PIKFYVE: variants seen among roughly 807,000 people sequenced by gnomAD.
PIKFYVE encodes the protein phosphoinositide kinase, FYVE-type zinc finger containing.
A neutral mutation model predicts 257.9 loss-of-function variants in PIKFYVE; 122 were observed. The observed-to-expected ratio is 0.47, with a 90% CI of 0.41 to 0.55. PIKFYVE has a LOEUF of 0.55. Ranked by LOEUF, PIKFYVE falls within the 20% of genes least tolerant of loss-of-function variation. The pLI, the probability that PIKFYVE is intolerant of heterozygous loss-of-function variation, is 0.00. For synonymous variants in PIKFYVE, 892 were observed against 868.9 expected (o/e 1.03, Z -0.47); for missense variants, 2,160 against 2,536.6 (o/e 0.85, Z 3.19).
intron 24 of PIKFYVE, 25 bp downstream of exon 24, chr2:208,333,518 CATG>C: frequency 6.2e-7 from 1 of 1,603,212 alleles, no homozygotes; most frequent in Non-Finnish European, 8.5e-7. Flanking sequence ...GAATCTTGTG[CATG>C]ATCTCAGATC....
chr2:208,331,862 C>T lies in PIKFYVE; in HGVS notation c.3963+1168C>T, dbSNP rs551261853. 4.6e-5 allele frequency among the ~76,000 whole-genome samples: 7 copies of T among 152,236 alleles called. No individual in the cohort carries two copies. The South Asian group carries it at 6.2e-4, about 14-fold the overall frequency. On this transcript the variant is annotated intron_variant, in intron 23 of 41. Coordinates refer to ENST00000264380, the MANE Select transcript of PIKFYVE (RefSeq NM_015040.4). ...GTCTTAGTTTCATAATTGTTCTTAC[C>T]GACTTTAGTTCCTATTAGTTAGCTG...
At position 208,342,659 on chromosome 2, in the gene PIKFYVE, A is replaced by T. The variant is rs1478516330; in HGVS notation, c.5027+10A>T. On this transcript the variant is annotated intron_variant, in intron 32 of 41. Coordinates refer to ENST00000264380, the MANE Select transcript of PIKFYVE (RefSeq NM_015040.4). ...TTGCTTTTGCTCTCAGGTATTATTC[A>T]TGGGACTTTGACTTATGATGATATC... 1.9e-6 allele frequency: 3 copies of T among 1,588,600 alleles called. No homozygotes were observed. The highest frequency in any genetic ancestry group is 1.1e-5 in the South Asian group (1 of 90,558).
intron 31 of PIKFYVE, among the ~76,000 whole-genome samples, chr2:208,341,965 G>A (rs868503384): frequency 7.4e-6 from 1 of 135,630 alleles, no homozygotes; most frequent in South Asian, 2.4e-4. Flanking sequence ...TTTTTTTTTC[G>A]CCATTGTATT....
At chr2:208,270,332 G>A (rs1205677836) in intron 1 of PIKFYVE, among the ~76,000 whole-genome samples, 2 of 151,916 alleles carry the variant, frequency 1.3e-5, no homozygotes, top group African/African-American at 2.4e-5. Flanking sequence ...GTGAGCCACC[G>A]TGCCTGGACC....
In PIKFYVE at chr2:208,336,100, T is replaced by G; in HGVS notation, c.4420T>G (p.Ser1474Ala). ...WIEKMQARLM[S>A]SSVDTPQQLQ... The stretch of plus-strand genomic sequence containing the variant: ...TGAGAAGATGCAAGCAAGGCTCATG[T>G]CTTCCTCTGTAGATACCCCTCAGCA... The change falls in exon 27 of 42, where the codon TCT becomes GCT. Residue 1474 changes from serine (S) to alanine (A), a missense_variant. Around this residue, in one of 12 missense-constraint regions of PIKFYVE, gnomAD observed 699 missense variants for 855.8 expected, o/e 0.82. Transcript: ENST00000264380. The G allele has an allele frequency of 6.2e-7, 1 of 1,614,096 alleles. No homozygotes were observed. The highest frequency in any genetic ancestry group is 8.5e-7 in the Non-Finnish European group (1 of 1,179,980).
chr2:208,336,774 T>C (rs1698180079), intron 27 of PIKFYVE, 64 bp from the exon 28 acceptor site: 1 of 1,064,600 alleles, frequency 9.4e-7, no homozygotes, highest in African/African-American at 1.6e-5. Context: ...AGAAAATTTA[T>C]AAACAGCACT....
chr2:208,304,726 AT>A (rs1694109513), intron 11 of PIKFYVE, 119 bp from the exon 12 acceptor site: 1 of 889,444 alleles, frequency 1.1e-6, no homozygotes. Flanking sequence ...CCATTTTGGT[AT>A]TGCACATTGG....
intron 13 of PIKFYVE, among the ~76,000 whole-genome samples, chr2:208,312,814 G>T (rs944953311): frequency 6.6e-6 from 1 of 152,116 alleles, no homozygotes; most frequent in African/African-American, 2.4e-5. Context: ...GCTTAGCTTA[G>T]CTTCCTAGAG....
chr2:208,353,832 T>A (rs1319366748), intron 39 of PIKFYVE, 66 bp from the exon 40 acceptor site: 40 of 1,577,148 alleles, frequency 2.5e-5, no homozygotes, highest in Non-Finnish European at 2.9e-5. Context: ...CTTTTTTATT[T>A]ACTTACATTA....
intron 6 of PIKFYVE, among the ~76,000 whole-genome samples, chr2:208,288,010 G>A (rs1691810935): frequency 6.6e-6 from 1 of 152,174 alleles, no homozygotes; most frequent in African/African-American, 2.4e-5. Context: ...ACAATATGAA[G>A]TATAGAGTTT....
chr2:208,341,102 G>T (rs1402603681), intron 31 of PIKFYVE, among the ~76,000 whole-genome samples: 1 of 151,926 alleles, frequency 6.6e-6, no homozygotes, highest in Non-Finnish European at 1.5e-5. Context: ...CTGCCTCCTA[G>T]ATTCAAGTGA....
At chr2:208,290,841 C>CTT (rs1374488200) in intron 7 of PIKFYVE, among the ~76,000 whole-genome samples, 2 of 152,130 alleles carry the variant, frequency 1.3e-5, no homozygotes, top group Non-Finnish European at 2.9e-5. Flanking sequence ...ATGTGATTGA[C>CTT]TTTTGTATAT....
chr2:208,292,973 C>T (rs545968894), intron 7 of PIKFYVE, among the ~76,000 whole-genome samples: 83 of 151,828 alleles, frequency 5.5e-4, no homozygotes, highest in Non-Finnish European at 9.0e-4. Context: ...TACTTGTTGC[C>T]CTTGTTCTTC....
intron 6 of PIKFYVE, 29 bp from the exon 7 acceptor site, chr2:208,288,700 A>G (rs1192773185): frequency 2.0e-5 from 33 of 1,613,034 alleles, no homozygotes; most frequent in Non-Finnish European, 2.8e-5. Flanking sequence ...GTCCTGAATT[A>G]TTTCAGTATT....
chr2:208,324,165 T>C lies in PIKFYVE; in HGVS notation c.2214T>C (p.Tyr738=), dbSNP rs747300817. 2.5e-6 allele frequency: 4 copies of C among 1,613,864 alleles called. No homozygotes were observed. Among genetic ancestry groups the C allele is most frequent in the South Asian group, 1.1e-5 (1 of 91,072 alleles). ...VLQEREFLKN[Y]VQRIVDVRPT... The stretch of plus-strand genomic sequence containing the variant: ...AGGAAAGGGAATTCTTGAAGAATTA[T>C]GTCCAGCGAATAGTTGATGTTCGAC... The change falls in exon 18 of 42, where the codon TAT becomes TAC. Residue 738 remains tyrosine, a synonymous_variant. Coordinates refer to ENST00000264380, the MANE Select transcript of PIKFYVE (RefSeq NM_015040.4).
chr2:208,352,650 T>C lies in PIKFYVE; in HGVS notation c.5716-4T>C, dbSNP rs1214631493. 14 of 1,613,140 alleles carry C rather than the reference T, an allele frequency of 8.7e-6. No individual in the cohort carries two copies. Among genetic ancestry groups the C allele is most frequent in the Non-Finnish European group, 1.1e-5 (13 of 1,179,540 alleles). ...AGAATTTATTTTGACCTTCTCTTGA[T>C]TAGAGGCCCACGGCGTTGGCCAAAA... On this transcript the variant is annotated splice_region_variant and splice_polypyrimidine_tract_variant and intron_variant, in intron 38 of 41. Transcript: ENST00000264380.
intron 5 of PIKFYVE, among the ~76,000 whole-genome samples, chr2:208,279,342 T>C (rs1400124661): frequency 2.0e-5 from 3 of 152,246 alleles, no homozygotes; most frequent in African/African-American, 7.2e-5. Flanking sequence ...TCTCCTATTC[T>C]GTGGCTTGTT....
intron 10 of PIKFYVE, among the ~76,000 whole-genome samples, chr2:208,303,228 G>A (rs1319111950): frequency 6.6e-6 from 1 of 150,530 alleles, no homozygotes; most frequent in African/African-American, 2.4e-5. Context: ...CAATATATAG[G>A]TTATATATAT....
At chr2:208,297,931 A>G (rs1319409816) in intron 7 of PIKFYVE, among the ~76,000 whole-genome samples, 2 of 151,744 alleles carry the variant, frequency 1.3e-5, no homozygotes, top group African/African-American at 2.4e-5. Context: ...TTATGAGAAG[A>G]AACAAATTTC....
Sources: gnomAD v4.1 joint callset for allele counts (sites outside exome capture counted in the v4.1 genomes callset) on GRCh38, gnomAD v4.1.1 for gene constraint, gnomAD v4.1.1 regional missense constraint, MANE v1.5 for transcripts, NCBI Gene and HGNC (gene_info 2026-07-23, HGNC 2026-07-21) for gene names.